ABCA12: variants seen among roughly 807,000 people sequenced by gnomAD.
ABCA12 encodes the protein ATP binding cassette subfamily A member 12.
In ABCA12, 156 loss-of-function variants were observed where a neutral mutation model predicts 293.5. The ratio of observed to expected loss-of-function variants is 0.53; its 90% CI spans 0.47 to 0.61. The LOEUF is 0.61. ABCA12 is among the 20% of genes least tolerant of loss of function. The pLI, the probability that ABCA12 is intolerant of heterozygous loss-of-function variation, is 0.00. For synonymous variants in ABCA12, 1,063 were observed against 1,108.0 expected (o/e 0.96, Z 0.81); for missense variants, 2,797 against 3,090.2 (o/e 0.91, Z 2.25).
chr2:215,055,831 T>G (rs1299272654), intron 3 of ABCA12, among the ~76,000 whole-genome samples: 2 of 152,102 alleles, frequency 1.3e-5, no homozygotes, highest in Non-Finnish European at 2.9e-5. Flanking sequence ...TGACCCTGAC[T>G]GTATGCCCCT....
rs1310268099 is a variant in ABCA12, at chr2:215,025,768, G to C, written c.1192C>G (p.Leu398Val). The change falls in exon 11 of 53, where the codon CTC becomes GTC. Residue 398 changes from leucine (L) to valine (V), a missense_variant. Physicochemically the swap from Leu to Val is conservative, Grantham distance 32 (BLOSUM62 1). Coordinates refer to ENST00000272895, the MANE Select transcript of ABCA12 (RefSeq NM_173076.3). Reference protein sequence around the residue: ...LARGSPENLRLLQSTIRFKKS... With the variant: ...LARGSPENLRVLQSTIRFKKS... ...TTAAATCGTATTGTGGACTGCAGGAGTCTTAGATTTTCTGTAAAGGAAGGG... is the reference window on the plus strand; with the variant it reads ...TTAAATCGTATTGTGGACTGCAGGACTCTTAGATTTTCTGTAAAGGAAGGG... 1 of 1,610,908 alleles carries C rather than the reference G, an allele frequency of 6.2e-7. No homozygotes were observed. The highest frequency in any genetic ancestry group is 8.5e-7 in the Non-Finnish European group (1 of 1,177,520).
At chr2:215,043,832 C>G (rs1701150526) in intron 7 of ABCA12, among the ~76,000 whole-genome samples, 1 of 152,038 alleles carries the variant, frequency 6.6e-6, no homozygotes. Flanking sequence ...GCAATTGCTC[C>G]TGAATCCACT....
At chr2:215,131,466 G>C (rs1055393537) in intron 1 of ABCA12, among the ~76,000 whole-genome samples, 4 of 151,686 alleles carry the variant, frequency 2.6e-5, no homozygotes, top group African/African-American at 9.7e-5. Context: ...AATCTTGGGG[G>C]TTGTATGTTT....
chr2:215,114,007 G>T (rs1015130100), intron 1 of ABCA12, among the ~76,000 whole-genome samples: 17 of 152,040 alleles, frequency 1.1e-4, no homozygotes, highest in Admixed American at 1.1e-3. Flanking sequence ...ATGGAGTCTT[G>T]CTCTGTCGCC....
At chr2:214,949,375 TATACACACAC>T (rs1289820705) in intron 45 of ABCA12, among the ~76,000 whole-genome samples, 1 of 148,390 alleles carries the variant, frequency 6.7e-6, no homozygotes, top group African/African-American at 2.5e-5. Flanking sequence ...TATATATATA[TATACACACAC>T]ACACACACAC....
At chr2:215,047,194 A>G (rs961838456) in intron 6 of ABCA12, among the ~76,000 whole-genome samples, 2 of 152,228 alleles carry the variant, frequency 1.3e-5, no homozygotes, top group African/African-American at 4.8e-5. Context: ...CTATGTAAGA[A>G]ACCTGCATGT....
intron 2 of ABCA12, among the ~76,000 whole-genome samples, chr2:215,067,144 C>T (rs1306126883): frequency 6.6e-6 from 1 of 152,016 alleles, no homozygotes; most frequent in Non-Finnish European, 1.5e-5. Flanking sequence ...GGAATCAAAC[C>T]GTTACACATT....
At chr2:215,010,568 A>G (rs1360137754) in intron 17 of ABCA12, 98 bp from the exon 18 acceptor site, 9 of 1,332,962 alleles carry the variant, frequency 6.8e-6, no homozygotes, top group Non-Finnish European at 9.5e-6. Context: ...ACACCCAAAA[A>G]TACATGCTCT....
At chr2:215,127,764 T>C (rs1166021008) in intron 1 of ABCA12, among the ~76,000 whole-genome samples, 2 of 152,212 alleles carry the variant, frequency 1.3e-5, no homozygotes, top group Non-Finnish European at 2.9e-5. Flanking sequence ...ATCTTTTAAG[T>C]GCATCATTTA....
chr2:214,998,822 C>T (rs1009566142), intron 22 of ABCA12, among the ~76,000 whole-genome samples: 1 of 152,088 alleles, frequency 6.6e-6, no homozygotes, highest in African/African-American at 2.4e-5. Flanking sequence ...ACAATTGATG[C>T]CCTTATTTGA....
rs776284997 is a variant in ABCA12 at position 214,968,781 on chromosome 2, G to A, written c.5717C>T (p.Pro1906Leu). The A allele has an allele frequency of 6.2e-7, 1 of 1,613,268 alleles. No homozygotes were observed. The highest frequency in any genetic ancestry group is 2.2e-5 in the East Asian group (1 of 44,836). ...KRYGGWSFGLPLTKDLRFDIT... is the reference protein window; with the variant it reads ...KRYGGWSFGLLLTKDLRFDIT... Reference sequence around the variant, plus strand: ...ATCAAAACGAAGGTCTTTTGTCAAAGGCAGCCCAAAACTCCAACCTCCATA... The same window carrying A: ...ATCAAAACGAAGGTCTTTTGTCAAAAGCAGCCCAAAACTCCAACCTCCATA... The change falls in exon 38 of 53, where the codon CCT becomes CTT. Residue 1906 changes from proline (P) to leucine (L), a missense_variant. This residue lies in a region of ABCA12 where 2,130 missense variants were observed against 2,427.0 expected (regional missense o/e 0.88). Coordinates refer to ENST00000272895, the MANE Select transcript of ABCA12 (RefSeq NM_173076.3).
intron 32 of ABCA12, 85 bp from the exon 33 acceptor site, chr2:214,978,551 T>C (rs889577957): frequency 2.4e-5 from 36 of 1,509,486 alleles, no homozygotes; most frequent in Non-Finnish European, 6.3e-6. Context: ...TTTTGAACTT[T>C]TATCACATTT....
chr2:215,081,350 C>T (rs1365630995), intron 2 of ABCA12, among the ~76,000 whole-genome samples: 5 of 151,806 alleles, frequency 3.3e-5, no homozygotes, highest in Middle Eastern at 3.4e-3. Context: ...TGGTGGTGCA[C>T]GCCTGTAGTC....
rs748009183 is a variant in ABCA12 at position 215,019,387 on chromosome 2, T to C, written c.1606A>G (p.Ile536Val). ...TTATTGACATGCAGCATGGCTTCTA[T>C]GATCGGTATTAACTGAGTGATATTT... ...LENITQLIPI[I>V]EAMLHVNNSA... Residue 536 changes from isoleucine (I) to valine (V), a missense_variant, in exon 13 of 53, where the codon ATA becomes GTA. Transcript: ENST00000272895. 10 of 1,613,366 alleles carry C rather than the reference T, an allele frequency of 6.2e-6. No individual in the cohort carries two copies. Among genetic ancestry groups the C allele is most frequent in the African/African-American group, 1.3e-5 (1 of 75,030 alleles).
intron 44 of ABCA12, among the ~76,000 whole-genome samples, chr2:214,952,656 C>T (rs1698816109): frequency 6.6e-6 from 1 of 152,216 alleles, no homozygotes; most frequent in Non-Finnish European, 1.5e-5. Context: ...CAAAATTACA[C>T]TTCTTCAAGC....
At chr2:215,065,633 T>C (rs1701627092) in intron 2 of ABCA12, among the ~76,000 whole-genome samples, 1 of 151,978 alleles carries the variant, frequency 6.6e-6, no homozygotes, top group Non-Finnish European at 1.5e-5. Flanking sequence ...TCAAGGAATA[T>C]GGGGAGCCTC....
At chr2:214,996,423 TCA>T (rs1700034157) in intron 23 of ABCA12, among the ~76,000 whole-genome samples, 1 of 152,186 alleles carries the variant, frequency 6.6e-6, no homozygotes, top group Non-Finnish European at 1.5e-5. Flanking sequence ...TCTGTTTCTG[TCA>T]CAGTTTCTAT....
chr2:215,126,808 T>C (rs1401711542), intron 1 of ABCA12, among the ~76,000 whole-genome samples: 2 of 152,150 alleles, frequency 1.3e-5, no homozygotes, highest in East Asian at 3.9e-4. Flanking sequence ...TGCTCTGATC[T>C]CGGTTATTTT....
At chr2:214,981,302 T>C (rs1344246224) in intron 30 of ABCA12, among the ~76,000 whole-genome samples, 1 of 152,162 alleles carries the variant, frequency 6.6e-6, no homozygotes, top group Non-Finnish European at 1.5e-5. Context: ...TGTTTTTCTC[T>C]CTCTCTTCCC....
Sources: gnomAD v4.1 joint callset for allele counts (sites outside exome capture counted in the v4.1 genomes callset) on GRCh38, gnomAD v4.1.1 for gene constraint, gnomAD v4.1.1 regional missense constraint, MANE v1.5 for transcripts, NCBI Gene and HGNC (gene_info 2026-07-23, HGNC 2026-07-21) for gene names.